TTK: variants seen among roughly 807,000 people sequenced by gnomAD.
The protein encoded by TTK is dual specificity protein kinase TTK.
Under a neutral mutation model 117.3 loss-of-function variants are expected in TTK, and 59 were observed. The observed-to-expected ratio is 0.50, with a 90% CI of 0.41 to 0.62. The LOEUF is 0.62. Among genes scored for constraint, TTK ranks in the 20% least tolerant of loss-of-function variants. The probability of loss-of-function intolerance (pLI) is 0.00; values close to 1 mark genes in which losing one functional copy is unlikely to be tolerated. For missense variants in TTK, 921 were observed against 989.4 expected (o/e 0.93, Z 0.93); for synonymous variants, 302 against 325.0 (o/e 0.93, Z 0.76).
chr6:80,018,593 C>T (rs1360666080), intron 10 of TTK, among the ~76,000 whole-genome samples: 4 of 143,446 alleles, frequency 2.8e-5, no homozygotes, highest in Non-Finnish European at 6.0e-5. Flanking sequence ...CATTACACTC[C>T]AGCAGCCTGG....
chr6:80,007,917 T>C lies in TTK; in HGVS notation c.248T>C (p.Leu83Pro). 1 of 1,613,666 alleles carries C rather than the reference T, an allele frequency of 6.2e-7. No homozygotes were observed. Among genetic ancestry groups the C allele is most frequent in the Non-Finnish European group, 8.5e-7 (1 of 1,179,678 alleles). Residue 83 changes from leucine to proline, a missense_variant, in exon 3 of 22, where the codon CTT becomes CCT. Physicochemically the swap from Leu to Pro is moderately conservative, Grantham distance 98. Coordinates refer to ENST00000369798, the MANE Select transcript of TTK (RefSeq NM_003318.5). ...AACAGTGTTCCGCTAAGTGATGCTC[T>C]TTTAAATAAATTGATTGGTCGTTAC... is the stretch of plus-strand genomic sequence containing the variant. Reference protein sequence around the residue: ...EKNSVPLSDALLNKLIGRYSQ... With the variant: ...EKNSVPLSDAPLNKLIGRYSQ...
chr6:80,030,042 A>G (rs114862964), intron 13 of TTK, among the ~76,000 whole-genome samples: 1,594 of 152,300 alleles, frequency 0.01, 21 homozygotes, highest in African/African-American at 0.037. Context: ...GTTACAGGAA[A>G]TATATATAGA....
intron 18 of TTK, among the ~76,000 whole-genome samples, chr6:80,039,150 T>C (rs994381101): frequency 6.6e-6 from 1 of 152,092 alleles, no homozygotes; most frequent in Admixed American, 6.6e-5. Context: ...TTTAAAAGAA[T>C]TGCTAACTGA....
intron 10 of TTK, among the ~76,000 whole-genome samples, chr6:80,016,219 C>T (rs1582094097): frequency 6.6e-6 from 1 of 152,162 alleles, no homozygotes; most frequent in Non-Finnish European, 1.5e-5. Context: ...GTACAAATTT[C>T]TATTGAGTGT....
chr6:80,023,564 G>T (rs1767524097), intron 11 of TTK, among the ~76,000 whole-genome samples: 1 of 152,164 alleles, frequency 6.6e-6, no homozygotes, highest in South Asian at 2.1e-4. Context: ...CTGCACTCCG[G>T]CCTGGGTGAC....
In TTK at chr6:80,026,413, A is replaced by T; in HGVS notation, c.1293A>T (p.Ser431=). The change falls in exon 12 of 22, where the codon TCA becomes TCT. Residue 431 remains serine (S), a synonymous_variant. Coordinates refer to ENST00000369798, the MANE Select transcript of TTK (RefSeq NM_003318.5). ...KHTTFEQPVF[S]VSKQSPPIST... The stretch of plus-strand genomic sequence containing the variant: ...CCACTTTTGAGCAACCTGTCTTTTC[A>T]GTTTCAAAACAGTCACCACCAATAT... 6.2e-7 allele frequency: 1 copy of T among 1,613,522 alleles called. No individual in the cohort carries two copies. Among genetic ancestry groups the T allele is most frequent in the Middle Eastern group, 1.7e-4 (1 of 6,056 alleles).
At chr6:80,026,353 CA>C (rs1160069187) in intron 11 of TTK, 24 bp from the exon 12 acceptor site, 1 of 1,589,398 alleles carries the variant, frequency 6.3e-7, no homozygotes, top group Non-Finnish European at 8.5e-7. Context: ...AAAACTAAAT[CA>C]TGGTGTTCTT....
In TTK at chr6:80,029,789, A is replaced by AG. The variant is rs538920924; in HGVS notation, c.1522-1673dup. On this transcript the variant is annotated intron_variant, in intron 13 of 21. Coordinates refer to ENST00000369798, the MANE Select transcript of TTK (RefSeq NM_003318.5). ...TAACCACAGTGAGTAGGGCATACTA[A>AG]GGGGGATGCGGGAAGTCCTGTGGAG... is the stretch of plus-strand genomic sequence containing the variant. Among the ~76,000 whole-genome samples the AG allele has an allele frequency of 9.8e-5, 15 of 152,334 alleles. 1 individual carries two copies. In the East Asian group the frequency reaches 2.7e-3, roughly 27 times the overall value.
intron 10 of TTK, among the ~76,000 whole-genome samples, chr6:80,020,227 C>T (rs1299569976): frequency 2.6e-5 from 4 of 152,080 alleles, no homozygotes; most frequent in Admixed American, 6.5e-5. Flanking sequence ...CCTTGTTTGC[C>T]CTGATAGGTA....
rs781459428 is a variant in TTK at position 80,013,270 on chromosome 6, G to T, written c.897-9G>T. Reference sequence around the variant, plus strand: ...TAATGTTAAAATTATTTTGTTTCACGGGTAAAAGACAAACCTCTAGATCAG... The same window carrying T: ...TAATGTTAAAATTATTTTGTTTCACTGGTAAAAGACAAACCTCTAGATCAG... On this transcript the variant is annotated splice_polypyrimidine_tract_variant and intron_variant, in intron 8 of 21. Coordinates refer to ENST00000369798, the MANE Select transcript of TTK (RefSeq NM_003318.5). 2.6e-6 allele frequency: 4 copies of T among 1,568,580 alleles called. No homozygotes were observed. In the South Asian group the frequency reaches 3.6e-5, roughly 14 times the overall value.
intron 10 of TTK, among the ~76,000 whole-genome samples, chr6:80,018,442 C>A (rs1767369322): frequency 7.0e-6 from 1 of 141,982 alleles, no homozygotes. Context: ...GTGGTGAAAC[C>A]CCATCTCTGC....
At chr6:80,007,460 A>G (rs754910910) in intron 2 of TTK, among the ~76,000 whole-genome samples, 26 of 152,092 alleles carry the variant, frequency 1.7e-4, no homozygotes, top group Non-Finnish European at 3.7e-4. Context: ...TTAGTTTTCT[A>G]TGGATAGGTA....
Position 80,011,966 on chromosome 6 carries a change from T to G in TTK, c.882T>G (p.Pro294=). The part of the protein sequence containing the change: ...CDVKTDDSVV[P]CFMKRQTSRS... ...TGAAGACAGATGATTCAGTTGTACC[T>G]TGTTTTATGAAAAGGTATGTTGAGT... Residue 294 remains proline (P), a synonymous_variant, in exon 8 of 22, where the codon CCT becomes CCG. Coordinates refer to ENST00000369798, the MANE Select transcript of TTK (RefSeq NM_003318.5). 1.9e-6 allele frequency: 3 copies of G among 1,608,424 alleles called. No individual in the cohort carries two copies. Among genetic ancestry groups the G allele is most frequent in the Non-Finnish European group, 2.5e-6 (3 of 1,178,176 alleles).
rs935742762 is a variant in TTK at position 80,040,554 on chromosome 6, T to C, written c.2393-52T>C. 8.7e-6 allele frequency: 13 copies of C among 1,497,896 alleles called. No homozygotes were observed. The Admixed American group carries it at 1.1e-4, about 13-fold the overall frequency. The allele number at this position is 1,497,896 out of a possible 1,614,324, so 92.8% of individuals were successfully genotyped here. A position where few individuals can be genotyped will look rare whatever the true frequency, so the allele number is the denominator to read the frequency against. ...TATTAAACAAAATGTGTATTTACAA[T>C]GGACTTATATTTTTCTTACTGGTAC... is the stretch of plus-strand genomic sequence containing the variant. On this transcript the variant is annotated intron_variant, in intron 20 of 21. Coordinates refer to ENST00000369798, the MANE Select transcript of TTK (RefSeq NM_003318.5).
At chr6:80,028,222 A>G (rs1767657394) in intron 13 of TTK, among the ~76,000 whole-genome samples, 1 of 152,148 alleles carries the variant, frequency 6.6e-6, no homozygotes, top group Non-Finnish European at 1.5e-5. Flanking sequence ...ACTCTTAATA[A>G]CTAGGCCAAA....
chr6:80,019,088 G>A (rs1352812646), intron 10 of TTK, among the ~76,000 whole-genome samples: 1 of 151,992 alleles, frequency 6.6e-6, no homozygotes, highest in African/African-American at 2.4e-5. Context: ...CTAATATTTC[G>A]TTTAGGACTT....
chr6:80,016,721 G>A lies in TTK; in HGVS notation c.1108+2135G>A, dbSNP rs113835466. ...GACACTCTCCTGAAAATGCAAGAAC[G>A]ATTAACAATAGAAAAACAAGCAGAA... is the stretch of plus-strand genomic sequence containing the variant. On this transcript the variant is annotated intron_variant, in intron 10 of 21. Coordinates refer to ENST00000369798, the MANE Select transcript of TTK (RefSeq NM_003318.5). Among the ~76,000 whole-genome samples the A allele has an allele frequency of 2.6e-3, 392 of 152,148 alleles. 3 individuals carry two copies. The highest frequency in any genetic ancestry group is 8.2e-3 in the African/African-American group (342 of 41,522).
At position 80,011,420 on chromosome 6, in the gene TTK, C is replaced by A; in HGVS notation, c.614-14C>A. On this transcript the variant is annotated splice_polypyrimidine_tract_variant and intron_variant, in intron 5 of 21. Coordinates refer to ENST00000369798, the MANE Select transcript of TTK (RefSeq NM_003318.5). The stretch of plus-strand genomic sequence containing the variant: ...TTTCTTATAAATTTAATCATAGTTT[C>A]AAAATTTTTACAGCATCTACGGTAT... 6.5e-7 allele frequency: 1 copy of A among 1,530,988 alleles called. No individual in the cohort carries two copies. Among genetic ancestry groups the A allele is most frequent in the South Asian group, 1.3e-5 (1 of 79,102 alleles). 94.8% of individuals were successfully genotyped at this position (1,530,988 alleles called of 1,614,324 possible).
rs556742505 is a variant in TTK at position 80,035,282 on chromosome 6, T to A, written c.1789T>A (p.Tyr597Asn). 6.2e-7 allele frequency: 1 copy of A among 1,602,312 alleles called. No homozygotes were observed. Among genetic ancestry groups the A allele is most frequent in the South Asian group, 1.1e-5 (1 of 87,794 alleles). ...TAATTGCAGTGAAATCACGGACCAG[T>A]ACATCTACATGGTAATGGAGTGTGG... is the stretch of plus-strand genomic sequence containing the variant. ...RLYDYEITDQ[Y>N]IYMVMECGNI... The change falls in exon 16 of 22, where the codon TAC (tyrosine) becomes AAC (asparagine). Residue 597 changes from tyrosine to asparagine, a missense_variant. Physicochemically the swap from Tyr to Asn is moderately radical, Grantham distance 143. Coordinates refer to ENST00000369798, the MANE Select transcript of TTK (RefSeq NM_003318.5).
Sources: gnomAD v4.1 joint callset for allele counts (sites outside exome capture counted in the v4.1 genomes callset) on GRCh38, gnomAD v4.1.1 for gene constraint, MANE v1.5 for transcripts, NCBI Gene and HGNC (gene_info 2026-07-23, HGNC 2026-07-21) for gene names.